Variants in CABP1 observed in about 807,000 individuals in gnomAD.
The protein encoded by CABP1 is calcium binding protein 1, also known as calcium-binding protein 1.
CABP1 carries 17 observed loss-of-function variants against 34.3 expected under a neutral mutation model. The observed-to-expected ratio is 0.50, with a 90% CI of 0.34 to 0.74. The LOEUF (loss-of-function observed/expected upper bound fraction) is 0.74. Ranked by LOEUF, CABP1 falls within the 30% of genes least tolerant of loss-of-function variation. The probability of loss-of-function intolerance (pLI) is 0.01; values close to 1 mark genes in which losing one functional copy is unlikely to be tolerated. For missense variants in CABP1, 373 were observed against 511.1 expected (o/e 0.73, Z 2.61); for synonymous variants, 198 against 229.2 (o/e 0.86, Z 1.23).
Position 120,660,312 on chromosome 12 carries a change from G to T in CABP1, c.802G>T (p.Glu268Ter). The T allele has an allele frequency of 6.2e-7, 1 of 1,613,608 alleles. No homozygotes were observed. Among genetic ancestry groups the T allele is most frequent in the Non-Finnish European group, 8.5e-7 (1 of 1,179,980 alleles). The change falls in exon 3 of 6, where the codon GAA (glutamate) becomes TAA (stop). Residue 268 changes from glutamate (E) to a stop codon, truncating the protein, a stop_gained. Transcript: ENST00000316803. LOFTEE classifies it high-confidence loss of function. The surrounding 1 kb of genome is among the most constrained non-coding windows in gnomAD (Gnocchi z 5.0). Reference protein sequence around the residue: ...GYMPTEMELIELSQQINMNLG... With the variant: ...GYMPTEMELI ...CATGCCCACCGAGATGGAGCTCATCGAACTGTCCCAGCAGATCAACATGAA... is the reference window on the plus strand; with the variant it reads ...CATGCCCACCGAGATGGAGCTCATCTAACTGTCCCAGCAGATCAACATGAA...
chr12:120,641,512 C>A lies in CABP1; in HGVS notation c.654+173C>A. On this transcript the variant is annotated intron_variant, in intron 1 of 5. Transcript: ENST00000316803. This position sits in a 1 kb window ranked among gnomAD's most constrained non-coding sequence, Gnocchi z 6.7. ...TTGCCGGCACTCCTCCTCCCCGTGC[C>A]TGATTCAGCACCCCGTGCGCTGTCC... The A allele has an allele frequency of 1.6e-6, 1 of 622,560 alleles. No homozygotes were observed. Among genetic ancestry groups the A allele is most frequent in the Non-Finnish European group, 2.3e-6 (1 of 432,496 alleles). The allele number at this position is 622,560 out of a possible 1,614,324, so 38.6% of individuals were successfully genotyped here.
intron 5 of CABP1, 99 bp from the exon 6 acceptor site, chr12:120,666,776 C>A: frequency 7.6e-7 from 1 of 1,309,422 alleles, no homozygotes; most frequent in Non-Finnish European, 1.1e-6. Flanking sequence ...GGGACCAGCA[C>A]AGAGTTGGGG....
At chr12:120,679,422 C>T in the CABP1 span, among the ~76,000 whole-genome samples, 1 of 152,142 alleles carries the variant, frequency 6.6e-6, no homozygotes, top group Admixed American at 6.5e-5. Context: ...CCTAGTTTTC[C>T]AACGTTTTGA....
At chr12:120,668,124 A>T (rs993105607), downstream of CABP1, among the ~76,000 whole-genome samples, 3 of 152,202 alleles carry the variant, frequency 2.0e-5, no homozygotes, top group African/African-American at 7.2e-5. Context: ...GGAGGTCAGA[A>T]AAGGCTTGCC....
chr12:120,659,787 G>A (rs1593167379), intron 1 of CABP1, 91 bp from the exon 2 acceptor site: 2 of 1,220,114 alleles, frequency 1.6e-6, no homozygotes, highest in Non-Finnish European at 2.4e-6. Context: ...CCTACCCAGT[G>A]CCTGCTGCCA....
At chr12:120,649,410 C>G (rs1879705136) in intron 1 of CABP1, among the ~76,000 whole-genome samples, 2 of 152,208 alleles carry the variant, frequency 1.3e-5, no homozygotes, top group African/African-American at 2.4e-5. Context: ...AACAGGGACA[C>G]TTGCACGCGG....
chr12:120,652,017 A>C (rs997982134), intron 1 of CABP1, among the ~76,000 whole-genome samples: 2 of 152,226 alleles, frequency 1.3e-5, no homozygotes, highest in Admixed American at 6.5e-5. Context: ...AGCATGCTTA[A>C]GAGTCAGATT....
chr12:120,672,353 C>T, the CABP1 span, among the ~76,000 whole-genome samples: 2 of 152,082 alleles, frequency 1.3e-5, no homozygotes, highest in Admixed American at 1.3e-4. Context: ...AAGAGATGGG[C>T]CGGGCATGGT....
chr12:120,641,264 C>T lies in CABP1; in HGVS notation c.579C>T (p.Ser193=). 7.7e-7 allele frequency: 1 copy of T among 1,302,898 alleles called. No individual in the cohort carries two copies. Among genetic ancestry groups the T allele is most frequent in the Non-Finnish European group, 9.7e-7 (1 of 1,028,394 alleles). The allele number at this position is 1,302,898 out of a possible 1,614,324, so 80.7% of individuals were successfully genotyped here. ...TGCGAGCCCGGGGCCGCGGGGACTC[C>T]GTTCCAGCCGCCGCGTCCGAGGCGG... is the stretch of plus-strand genomic sequence containing the variant. ...GSLRARGRGD[S]VPAAASEADP... is the part of the protein sequence containing the mutation. Residue 193 remains serine, a synonymous_variant, in exon 1 of 6, where the codon TCC becomes TCT. Coordinates refer to ENST00000316803, the MANE Select transcript of CABP1 (RefSeq NM_001033677.2). The surrounding 1 kb of genome is among the most constrained non-coding windows in gnomAD (Gnocchi z 6.7).
At chr12:120,671,990 C>T (rs1397021108), downstream of CABP1, among the ~76,000 whole-genome samples, 1 of 152,114 alleles carries the variant, frequency 6.6e-6, no homozygotes, top group Non-Finnish European at 1.5e-5. Flanking sequence ...ATTGCTTGAG[C>T]CCAGGAGTTC....
At chr12:120,646,096 T>A (rs1022104829) in intron 1 of CABP1, among the ~76,000 whole-genome samples, 1 of 152,210 alleles carries the variant, frequency 6.6e-6, no homozygotes, top group African/African-American at 2.4e-5. Flanking sequence ...CTGAGAATTG[T>A]GGTCTGCCTG....
intron 1 of CABP1, chr12:120,656,210 C>T (rs753385445): frequency 4.4e-6 from 7 of 1,603,372 alleles, no homozygotes; most frequent in South Asian, 1.1e-5. Context: ...CGCAGTCATG[C>T]ACAACCTGCT....
Position 120,650,802 on chromosome 12 carries a change from C to G in CABP1, c.655-9076C>G, listed in dbSNP as rs942749207. ...TGCTATCCTTCCCAGGGGTTCTGTCCAGGGCTGCCTCCCTGCTTCTACCCC... is the reference window on the plus strand; with the variant it reads ...TGCTATCCTTCCCAGGGGTTCTGTCGAGGGCTGCCTCCCTGCTTCTACCCC... On this transcript the variant is annotated intron_variant, in intron 1 of 5. Coordinates refer to ENST00000316803, the MANE Select transcript of CABP1 (RefSeq NM_001033677.2). The G allele has an allele frequency of 2.9e-6, 3 of 1,025,056 alleles. No individual in the cohort carries two copies. In the African/African-American group the frequency reaches 4.7e-5, roughly 16 times the overall value. 63.5% of individuals were successfully genotyped at this position (1,025,056 alleles called of 1,614,324 possible). A position where few individuals can be genotyped will look rare whatever the true frequency, so the allele number is the denominator to read the frequency against.
chr12:120,656,352 A>G (rs1263101100), intron 1 of CABP1: 4 of 1,345,536 alleles, frequency 3.0e-6, no homozygotes, highest in Admixed American at 2.9e-5. Flanking sequence ...GAAGGGGTCT[A>G]TACAGAGCTC....
At position 120,656,383 on chromosome 12, in the gene CABP1, T is replaced by G. The variant is rs559509742; in HGVS notation, c.655-3495T>G. On this transcript the variant is annotated intron_variant, in intron 1 of 5. Coordinates refer to ENST00000316803, the MANE Select transcript of CABP1 (RefSeq NM_001033677.2). ...AGCTCACACCCCCAACTTATGAATCTGATCCCCAAAGTTTTCCACTCATGG... is the reference window on the plus strand; with the variant it reads ...AGCTCACACCCCCAACTTATGAATCGGATCCCCAAAGTTTTCCACTCATGG... 4.5e-5 allele frequency: 49 copies of G among 1,089,970 alleles called. 1 individual carries two copies. The South Asian group carries it at 9.6e-4, about 21-fold the overall frequency. 67.5% of individuals were successfully genotyped at this position (1,089,970 alleles called of 1,614,324 possible). A position where few individuals can be genotyped will look rare whatever the true frequency, so the allele number is the denominator to read the frequency against.
At chr12:120,658,629 C>T (rs370632087) in intron 1 of CABP1, among the ~76,000 whole-genome samples, 1 of 152,198 alleles carries the variant, frequency 6.6e-6, no homozygotes, top group Non-Finnish European at 1.5e-5. Context: ...TCTAGATGAT[C>T]TGCAGATTTT....
At chr12:120,675,103 A>G in the CABP1 span, among the ~76,000 whole-genome samples, 6 of 151,938 alleles carry the variant, frequency 3.9e-5, no homozygotes, top group Non-Finnish European at 7.4e-5. Context: ...CTCCTGCTGG[A>G]GTGCAGTGGT....
At position 120,640,925 on chromosome 12, in the gene CABP1, C is replaced by T; in HGVS notation, c.240C>T (p.Ser80=). 2 of 1,115,854 alleles carry T rather than the reference C, an allele frequency of 1.8e-6. No homozygotes were observed. Among genetic ancestry groups the T allele is most frequent in the Non-Finnish European group, 2.2e-6 (2 of 914,520 alleles). The allele number at this position is 1,115,854 out of a possible 1,614,324, so 69.1% of individuals were successfully genotyped here. A position where few individuals can be genotyped will look rare whatever the true frequency, so the allele number is the denominator to read the frequency against. Residue 80 remains serine, a synonymous_variant, in exon 1 of 6, where the codon AGC becomes AGT. Transcript: ENST00000316803. This position sits in a 1 kb window ranked among gnomAD's most constrained non-coding sequence, Gnocchi z 6.2. ...TGAAGGCGGCGGCGGCGGCGGCGAGCGGGGGCAGCCGGGCTCCCCGCCACG... is the reference window on the plus strand; with the variant it reads ...TGAAGGCGGCGGCGGCGGCGGCGAGTGGGGGCAGCCGGGCTCCCCGCCACG... ...SLLKAAAAAA[S]GGSRAPRHGP...
At chr12:120,650,255 C>T (rs552962186) in intron 1 of CABP1, 4 of 214,260 alleles carry the variant, frequency 1.9e-5, no homozygotes, top group Non-Finnish European at 2.8e-5. Flanking sequence ...GAACCAGAGA[C>T]AGGACTGAGC....
Sources: allele counts gnomAD v4.1 joint callset (sites outside exome capture counted in the v4.1 genomes callset), GRCh38; gene constraint gnomAD v4.1.1; non-coding constraint Gnocchi (gnomAD v3.1); transcripts MANE v1.5; gene names NCBI Gene and HGNC (gene_info 2026-07-23, HGNC 2026-07-21).